MTBP: variants seen among roughly 807,000 people sequenced by gnomAD.
MTBP encodes the protein mdm2-binding protein.
MTBP carries 101 observed loss-of-function variants against 117.0 expected under a neutral mutation model. That is an observed-to-expected ratio of 0.86 (90% CI 0.73 to 1.02). MTBP has a LOEUF of 1.02. MTBP is among the 50% of genes least tolerant of loss of function. The probability of loss-of-function intolerance (pLI) is 0.00; values close to 1 mark genes in which losing one functional copy is unlikely to be tolerated. For missense variants in MTBP, 970 were observed against 1,030.9 expected, an observed-to-expected ratio of 0.94 and a Z score of 0.81; for synonymous variants, 350 against 351.5, an observed-to-expected ratio of 1.00 and a Z score of 0.05.
chr8:120,488,290 A>T lies in MTBP; in HGVS notation c.1297A>T (p.Ile433Phe). 1.3e-6 allele frequency: 2 copies of T among 1,568,838 alleles called. No homozygotes were observed. The highest frequency in any genetic ancestry group is 1.7e-4 in the Middle Eastern group (1 of 5,974). ...QINGSFALNL[I>F]HGKMKTKTEE... ...CAATGGCTCATTTGCACTCAATTTA[A>T]TTCATGGAAAGATGAAAACAAAGAC... The change falls in exon 12 of 22, where the codon ATT becomes TTT. Residue 433 changes from isoleucine (I) to phenylalanine (F), a missense_variant. Ile to Phe is a conservative substitution (Grantham distance 21, BLOSUM62 0). Transcript: ENST00000305949.
At position 120,464,379 on chromosome 8, in the gene MTBP, C is replaced by T. The variant is rs551607749; in HGVS notation, c.1047+618C>T. ...TCTAATAGGAAAAAGTGAAAGTTTG[C>T]TTTTTTTCTAGTTATTTATTCAACT... On this transcript the variant is annotated intron_variant, in intron 10 of 21. Transcript: ENST00000305949. 4.0e-5 allele frequency among the ~76,000 whole-genome samples: 6 copies of T among 151,872 alleles called. No individual in the cohort carries two copies. In the South Asian group the frequency reaches 1.0e-3, roughly 26 times the overall value.
chr8:120,460,346 C>T (rs1813557070), intron 8 of MTBP, among the ~76,000 whole-genome samples: 2 of 152,086 alleles, frequency 1.3e-5, no homozygotes, highest in South Asian at 4.1e-4. Flanking sequence ...ATGTAAAATT[C>T]ATATTCTCTC....
intron 10 of MTBP, among the ~76,000 whole-genome samples, chr8:120,466,692 G>C (rs1217978745): frequency 1.3e-5 from 2 of 151,790 alleles, no homozygotes; most frequent in East Asian, 4.0e-4. Flanking sequence ...GGCCAACATG[G>C]TGAAACCCCA....
rs1369125116 is a variant in MTBP, at chr8:120,455,319, A to C, written c.485-116A>C. The C allele has an allele frequency of 5.5e-6, 3 of 548,584 alleles. No homozygotes were observed. In the East Asian group the frequency reaches 1.0e-4, roughly 18 times the overall value. The allele number at this position is 548,584 out of a possible 1,614,324, so 34.0% of individuals were successfully genotyped here. The stretch of plus-strand genomic sequence containing the variant: ...TAAAAGCTTCCTTTGTCTTCTAAAT[A>C]AATATAAAACTAATTTTTCTAAATA... On this transcript the variant is annotated intron_variant, in intron 5 of 21. Transcript: ENST00000305949.
intron 17 of MTBP, among the ~76,000 whole-genome samples, chr8:120,510,593 T>C (rs532687997): frequency 9.1e-4 from 139 of 152,280 alleles, no homozygotes; most frequent in Non-Finnish European, 1.6e-3. Flanking sequence ...TCTGTCTGTG[T>C]GAAAAATACT....
intron 8 of MTBP, among the ~76,000 whole-genome samples, chr8:120,459,948 G>T (rs1432478013): frequency 2.0e-5 from 3 of 152,020 alleles, no homozygotes; most frequent in African/African-American, 7.2e-5. Flanking sequence ...ACTAGGAAAA[G>T]GCTTAGTTGG....
intron 13 of MTBP, among the ~76,000 whole-genome samples, chr8:120,491,742 C>T (rs1814351294): frequency 6.6e-6 from 1 of 152,172 alleles, no homozygotes; most frequent in Admixed American, 6.5e-5. Context: ...TTTTATAACT[C>T]AGTTCCTTCA....
chr8:120,445,685 A>G, intron 1 of MTBP, 97 bp downstream of exon 1: 2 of 961,986 alleles, frequency 2.1e-6, no homozygotes, highest in Non-Finnish European at 3.1e-6. Flanking sequence ...ATCAATATGT[A>G]GTTGTCCCAC....
Position 120,516,189 on chromosome 8 carries a change from A to G in MTBP, c.2244A>G (p.Lys748=), listed in dbSNP as rs749169812. ...SKDLNCLYPR[K]RLVKSESSES... Reference sequence around the variant, plus strand: ...ATCTGAATTGCCTTTATCCCAGAAAAAGGTGATATATTACATGCACATAAA... The same window carrying G: ...ATCTGAATTGCCTTTATCCCAGAAAGAGGTGATATATTACATGCACATAAA... The change falls in exon 18 of 22, where the codon AAA becomes AAG. Residue 748 remains lysine, a splice_region_variant and synonymous_variant. Coordinates refer to ENST00000305949, the MANE Select transcript of MTBP (RefSeq NM_022045.5). The G allele has an allele frequency of 6.2e-7, 1 of 1,608,004 alleles. No individual in the cohort carries two copies. Among genetic ancestry groups the G allele is most frequent in the South Asian group, 1.1e-5 (1 of 90,756 alleles).
intron 16 of MTBP, among the ~76,000 whole-genome samples, chr8:120,508,828 G>T (rs1465061554): frequency 6.6e-6 from 1 of 152,102 alleles, no homozygotes; most frequent in Non-Finnish European, 1.5e-5. Flanking sequence ...GAACTTCTGA[G>T]CTTCAGGACC....
rs1814264184 is a variant in MTBP, at chr8:120,488,352, A to G, written c.1339+20A>G. On this transcript the variant is annotated intron_variant, in intron 12 of 21. Transcript: ENST00000305949. ...AATTGAGTAAGTGTTAACTTCAGGTAGAAAAACATGTTTACATTGTTTGTG... is the reference window on the plus strand; with the variant it reads ...AATTGAGTAAGTGTTAACTTCAGGTGGAAAAACATGTTTACATTGTTTGTG... The G allele has an allele frequency of 6.7e-7, 1 of 1,491,928 alleles. No homozygotes were observed. Among genetic ancestry groups the G allele is most frequent in the Non-Finnish European group, 8.9e-7 (1 of 1,123,398 alleles). 92.4% of individuals were successfully genotyped at this position (1,491,928 alleles called of 1,614,324 possible).
chr8:120,464,629 A>T (rs1264771311), intron 10 of MTBP, among the ~76,000 whole-genome samples: 1 of 152,008 alleles, frequency 6.6e-6, no homozygotes, highest in African/African-American at 2.4e-5. Flanking sequence ...TGACCTTAAG[A>T]TGTATATTTG....
chr8:120,454,787 T>C (rs1813433694), intron 5 of MTBP, among the ~76,000 whole-genome samples: 1 of 152,078 alleles, frequency 6.6e-6, no homozygotes, highest in Non-Finnish European at 1.5e-5. Flanking sequence ...TATTACATAG[T>C]TGTTTTGGCA....
rs1019828653 is a variant in MTBP, at chr8:120,478,837, G to A, written c.1165+7900G>A. Among the ~76,000 whole-genome samples, 26 of 152,092 alleles carry A rather than the reference G, an allele frequency of 1.7e-4. No homozygotes were observed. In the East Asian group the frequency reaches 1.7e-3, roughly 10 times the overall value. On this transcript the variant is annotated intron_variant, in intron 11 of 21. Coordinates refer to ENST00000305949, the MANE Select transcript of MTBP (RefSeq NM_022045.5). ...TACTATGCAGCCATAGAAAAAGATC[G>A]TACACGTATGCTACGGAATACTATG...
At chr8:120,516,936 C>T (rs1188530365) in intron 18 of MTBP, among the ~76,000 whole-genome samples, 4 of 151,930 alleles carry the variant, frequency 2.6e-5, no homozygotes, top group Non-Finnish European at 4.4e-5. Flanking sequence ...AGAACTCAGT[C>T]ATTTTTATGA....
chr8:120,520,803 AAAAAG>A (rs1814998143), intron 20 of MTBP, among the ~76,000 whole-genome samples: 1 of 151,328 alleles, frequency 6.6e-6, no homozygotes, highest in Non-Finnish European at 1.5e-5. Context: ...AGAAAAAAGA[AAAAAG>A]AAAAGAAACT....
At chr8:120,478,433 A>G (rs903460172) in intron 11 of MTBP, among the ~76,000 whole-genome samples, 7 of 152,116 alleles carry the variant, frequency 4.6e-5, no homozygotes, top group Non-Finnish European at 8.8e-5. Context: ...TTTCAATTTT[A>G]TGTCTTGATA....
At chr8:120,505,387 G>GT (rs1381419233) in intron 15 of MTBP, among the ~76,000 whole-genome samples, 3 of 152,110 alleles carry the variant, frequency 2.0e-5, no homozygotes, top group African/African-American at 7.2e-5. Context: ...GACAGGCACT[G>GT]TATCTTTACA....
In MTBP at chr8:120,456,683, T is replaced by G; in HGVS notation, c.747+13T>G. The G allele has an allele frequency of 1.4e-6, 2 of 1,429,430 alleles. No homozygotes were observed. The allele number at this position is 1,429,430 out of a possible 1,614,324, so 88.5% of individuals were successfully genotyped here. On this transcript the variant is annotated intron_variant, in intron 7 of 21. Coordinates refer to ENST00000305949, the MANE Select transcript of MTBP (RefSeq NM_022045.5). ...ATGGGAAAGAAAGGTAAATGGATTATTCACAGTTTGCCAAGTAGGCCTTTC... is the reference window on the plus strand; with the variant it reads ...ATGGGAAAGAAAGGTAAATGGATTAGTCACAGTTTGCCAAGTAGGCCTTTC...
Sources: allele counts gnomAD v4.1 joint callset (sites outside exome capture counted in the v4.1 genomes callset), GRCh38; gene constraint gnomAD v4.1.1; transcripts MANE v1.5; gene names NCBI Gene and HGNC (gene_info 2026-07-23, HGNC 2026-07-21).